The following C16orf95 variants were observed in gnomAD, a reference collection of about 807,000 sequenced individuals.
The protein encoded by C16orf95 is uncharacterized protein C16orf95.
Under a neutral mutation model 32.1 loss-of-function variants are expected in C16orf95, and 41 were observed. The ratio of observed to expected loss-of-function variants is 1.28; its 90% CI spans 1.00 to 1.66. The LOEUF is 1.66. Among genes scored for constraint, C16orf95 ranks in the 40% most tolerant of loss-of-function variants. C16orf95 has a pLI of 0.00. For synonymous variants in C16orf95, 147 were observed against 128.9 expected, an observed-to-expected ratio of 1.14 and a Z score of -0.95; for missense variants, 399 against 325.9, an observed-to-expected ratio of 1.22 and a Z score of -1.73.
chr16:87,313,533 A>T (rs918782351), intron 3 of C16orf95, among the ~76,000 whole-genome samples: 2 of 152,184 alleles, frequency 1.3e-5, no homozygotes, highest in African/African-American at 4.8e-5. Context: ...CAGGTGTTTG[A>T]GACTAGCCAG....
chr16:87,316,686 A>G (rs1442501911), intron 1 of C16orf95, among the ~76,000 whole-genome samples: 1 of 152,070 alleles, frequency 6.6e-6, no homozygotes, highest in Non-Finnish European at 1.5e-5. Flanking sequence ...CTTGTAGTTC[A>G]GGTGGGCCAA....
intron 6 of C16orf95, chr16:87,303,420 G>C: frequency 3.9e-6 from 1 of 254,758 alleles, no homozygotes; most frequent in Non-Finnish European, 7.7e-6. Flanking sequence ...GAGATTCTAA[G>C]CCCACCCTCT....
rs533140858 is a variant in C16orf95 at position 87,306,044 on chromosome 16, A to G, written c.515-139T>C. On this transcript the variant is annotated intron_variant, in intron 5 of 6. Transcript: ENST00000567970. Reference sequence around the variant, plus strand: ...CCAGCCACAGCCCCGGGGTGGGGACACTGACCCGGAGCTCACGAGATAAAG... The same window carrying G: ...CCAGCCACAGCCCCGGGGTGGGGACGCTGACCCGGAGCTCACGAGATAAAG... 24 of 570,398 alleles carry G rather than the reference A, an allele frequency of 4.2e-5. No homozygotes were observed. In the South Asian group the frequency reaches 7.6e-4, roughly 18 times the overall value. The allele number at this position is 570,398 out of a possible 1,614,324, so 35.3% of individuals were successfully genotyped here. A position where few individuals can be genotyped will look rare whatever the true frequency, so the allele number is the denominator to read the frequency against.
At chr16:87,311,010 G>C in intron 4 of C16orf95, 140 bp downstream of exon 4, 1 of 823,234 alleles carries the variant, frequency 1.2e-6, no homozygotes, top group Non-Finnish European at 1.8e-6. Context: ...AGCTGCCAGG[G>C]GATCTTCTCT....
chr16:87,303,162 G>C (rs1910842838), intron 6 of C16orf95, 87 bp from the exon 7 acceptor site: 1 of 1,377,966 alleles, frequency 7.3e-7, no homozygotes, highest in Non-Finnish European at 1.0e-6. Context: ...AAACCTCCAT[G>C]AGCGGAAGGC....
intron 5 of C16orf95, among the ~76,000 whole-genome samples, chr16:87,310,021 C>G (rs551017040): frequency 5.3e-5 from 8 of 152,200 alleles, no homozygotes; most frequent in Admixed American, 2.0e-4. Flanking sequence ...AGGTCTCATC[C>G]AAGCCCAGGC....
chr16:87,317,359 C>A lies in C16orf95; in HGVS notation c.-117G>T, dbSNP rs1215555155. 5 of 1,417,624 alleles carry A rather than the reference C, an allele frequency of 3.5e-6. No homozygotes were observed. The highest frequency in any genetic ancestry group is 4.6e-6 in the Non-Finnish European group (5 of 1,088,076). The allele number at this position is 1,417,624 out of a possible 1,614,324, so 87.8% of individuals were successfully genotyped here. ...GAACCCAACCCGAGCTCAACCCCAGCCCCAACCTCAACCGCTCAGAGGAGC... is the reference window on the plus strand; with the variant it reads ...GAACCCAACCCGAGCTCAACCCCAGACCCAACCTCAACCGCTCAGAGGAGC... On this transcript the variant is annotated 5_prime_UTR_variant, in exon 1 of 7. Transcript: ENST00000567970.
chr16:87,310,697 C>A (rs966517367), intron 4 of C16orf95, among the ~76,000 whole-genome samples: 38 of 152,286 alleles, frequency 2.5e-4, no homozygotes, highest in African/African-American at 8.7e-4. Flanking sequence ...GGTGGTCCGT[C>A]CCGGGCACCC....
chr16:87,313,559 C>A (rs1346380712), intron 3 of C16orf95, among the ~76,000 whole-genome samples: 2 of 152,086 alleles, frequency 1.3e-5, no homozygotes, highest in African/African-American at 4.8e-5. Context: ...CATAGTGAGA[C>A]CTCATCTCCA....
chr16:87,305,513 G>A lies in C16orf95; in HGVS notation c.701+206C>T, dbSNP rs1910977513. ...CCCACGAGGCCCCCGCCGCCCCCAG[G>A]CTGCCCTGGCATCTCTAGGTGACGC... On this transcript the variant is annotated intron_variant, in intron 6 of 6. Transcript: ENST00000567970. The surrounding 1 kb of genome is among the most constrained non-coding windows in gnomAD (Gnocchi z 4.2). Among the ~76,000 whole-genome samples, 1 of 145,884 alleles carries A rather than the reference G, an allele frequency of 6.9e-6. No homozygotes were observed. The highest frequency in any genetic ancestry group is 1.5e-5 in the Non-Finnish European group (1 of 65,688).
At chr16:87,316,960 C>G in intron 1 of C16orf95, 131 bp downstream of exon 1, 1 of 1,356,896 alleles carries the variant, frequency 7.4e-7, no homozygotes, top group Non-Finnish European at 9.5e-7. Context: ...TTTTGTTAAG[C>G]CAATGTAAGT....
chr16:87,307,099 G>C lies in C16orf95; in HGVS notation c.515-1194C>G, dbSNP rs936130407. Reference sequence around the variant, plus strand: ...ACTCAAATCACTCACCTTTTCCAGGGACCCCAACTCCATTCACAGATTTAC... The same window carrying C: ...ACTCAAATCACTCACCTTTTCCAGGCACCCCAACTCCATTCACAGATTTAC... On this transcript the variant is annotated intron_variant, in intron 5 of 6. Coordinates refer to ENST00000567970, the MANE Select transcript of C16orf95 (RefSeq NM_001195124.3). Among the ~76,000 whole-genome samples, 6 of 152,206 alleles carry C rather than the reference G, an allele frequency of 3.9e-5. No homozygotes were observed. The East Asian group carries it at 1.2e-3, about 29-fold the overall frequency.
intron 5 of C16orf95, among the ~76,000 whole-genome samples, chr16:87,308,197 T>C (rs775633350): frequency 1.3e-5 from 2 of 152,064 alleles, no homozygotes; most frequent in Non-Finnish European, 2.9e-5. Flanking sequence ...AATAAGCAGG[T>C]GTTGGCCGGG....
chr16:87,303,262 G>A (rs148275839), intron 6 of C16orf95, 187 bp from the exon 7 acceptor site: 112 of 592,042 alleles, frequency 1.9e-4, no homozygotes, highest in African/African-American at 1.8e-3. Flanking sequence ...TGGCCATATC[G>A]CTTTCCAGCC....
chr16:87,317,316 T>G lies in C16orf95; in HGVS notation c.-74A>C. Reference sequence around the variant, plus strand: ...GCCCTGACGCCCTGGCTCCCGCCTTTCCCTCCTGCCCCAGGAGGAACCCAA... The same window carrying G: ...GCCCTGACGCCCTGGCTCCCGCCTTGCCCTCCTGCCCCAGGAGGAACCCAA... On this transcript the variant is annotated 5_prime_UTR_variant, in exon 1 of 7. Transcript: ENST00000567970. 1 of 1,451,720 alleles carries G rather than the reference T, an allele frequency of 6.9e-7. No homozygotes were observed. The highest frequency in any genetic ancestry group is 1.4e-5 in the South Asian group (1 of 71,988). The allele number at this position is 1,451,720 out of a possible 1,614,324, so 89.9% of individuals were successfully genotyped here. A position where few individuals can be genotyped will look rare whatever the true frequency, so the allele number is the denominator to read the frequency against.
At position 87,305,241 on chromosome 16, in the gene C16orf95, T is replaced by C. The variant is rs917324773; in HGVS notation, c.701+478A>G. On this transcript the variant is annotated intron_variant, in intron 6 of 6. Transcript: ENST00000567970. The surrounding 1 kb of genome is among the most constrained non-coding windows in gnomAD (Gnocchi z 4.2). ...GCGAAACTCGAAGCCTGGGCGAGGA[T>C]AGGGACTAGAGACCAGGGGAAGGGG... 2.0e-5 allele frequency among the ~76,000 whole-genome samples: 3 copies of C among 151,896 alleles called. No homozygotes were observed. Among genetic ancestry groups the C allele is most frequent in the Admixed American group, 6.6e-5 (1 of 15,260 alleles).
At position 87,310,404 on chromosome 16, in the gene C16orf95, C is replaced by A. The variant is rs181543275; in HGVS notation, c.478-71G>T. On this transcript the variant is annotated intron_variant, in intron 4 of 6. Coordinates refer to ENST00000567970, the MANE Select transcript of C16orf95 (RefSeq NM_001195124.3). Reference sequence around the variant, plus strand: ...AAGGGGGAAGGCCTGGTGATTGGGACTCCAAACCTCCAGGAGGGGCACTGG... The same window carrying A: ...AAGGGGGAAGGCCTGGTGATTGGGAATCCAAACCTCCAGGAGGGGCACTGG... 308 of 1,444,732 alleles carry A rather than the reference C, an allele frequency of 2.1e-4. 2 individuals carry two copies. In the East Asian group the frequency reaches 7.4e-3, roughly 35 times the overall value. The allele number at this position is 1,444,732 out of a possible 1,614,324, so 89.5% of individuals were successfully genotyped here.
At chr16:87,313,193 TA>T (rs56015859) in intron 3 of C16orf95, among the ~76,000 whole-genome samples, 182 of 139,686 alleles carry the variant, frequency 1.3e-3, no homozygotes, top group Non-Finnish European at 1.4e-3. Context: ...ACATGGAAAT[TA>T]AAAAAAAAAA....
At chr16:87,307,635 A>G (rs1454568133) in intron 5 of C16orf95, among the ~76,000 whole-genome samples, 2 of 152,128 alleles carry the variant, frequency 1.3e-5, no homozygotes, top group Non-Finnish European at 2.9e-5. Context: ...GTACACTCCT[A>G]TAGTCCCAGC....
Sources: gnomAD v4.1 joint callset for allele counts (sites outside exome capture counted in the v4.1 genomes callset) on GRCh38, gnomAD v4.1.1 for gene constraint, Gnocchi (gnomAD v3.1) non-coding constraint, MANE v1.5 for transcripts, NCBI Gene and HGNC (gene_info 2026-07-23, HGNC 2026-07-21) for gene names.